The following CIB4 variants were observed in gnomAD, a reference collection of about 807,000 sequenced individuals.
CIB4 encodes the protein calcium and integrin binding family member 4, also known as calcium and integrin-binding family member 4.
CIB4 carries 25 observed loss-of-function variants against 25.8 expected under a neutral mutation model. That is an observed-to-expected ratio of 0.97 (90% CI 0.71 to 1.35). The LOEUF is 1.35. CIB4 is among the 40% of genes most tolerant of loss of function. The probability of loss-of-function intolerance (pLI) is 0.00; values close to 1 mark genes in which losing one functional copy is unlikely to be tolerated. For missense variants in CIB4, 235 were observed against 228.2 expected (o/e 1.03, Z -0.19); for synonymous variants, 75 against 81.4 (o/e 0.92, Z 0.42).
chr2:26,608,368 A>G (rs779509254), intron 3 of CIB4, among the ~76,000 whole-genome samples: 1 of 152,176 alleles, frequency 6.6e-6, no homozygotes, highest in Admixed American at 6.5e-5. Context: ...AGGCACTAAC[A>G]CATTGGCTGT....
intron 2 of CIB4, among the ~76,000 whole-genome samples, chr2:26,635,615 G>A (rs1464621963): frequency 6.6e-6 from 1 of 152,130 alleles, no homozygotes; most frequent in East Asian, 1.9e-4. Context: ...AGCCCAGGAT[G>A]GCCACTTTCT....
At chr2:26,601,445 T>G (rs1294492500) in intron 3 of CIB4, among the ~76,000 whole-genome samples, 1 of 151,908 alleles carries the variant, frequency 6.6e-6, no homozygotes, top group Non-Finnish European at 1.5e-5. Context: ...CCATAAGTGA[T>G]GTTGGGTTTA....
rs1478917902 is a variant in CIB4 at position 26,627,034 on chromosome 2, T to C, written c.186+2376A>G. On this transcript the variant is annotated intron_variant, in intron 3 of 6. Transcript: ENST00000288861. This position sits in a 1 kb window ranked among gnomAD's most constrained non-coding sequence, Gnocchi z 4.0. Reference sequence around the variant, plus strand: ...CCAGACTCAGCCCTCCTGATCTTAGTCCAGTGCTTACTCCTTTGGGGGCCA... The same window carrying C: ...CCAGACTCAGCCCTCCTGATCTTAGCCCAGTGCTTACTCCTTTGGGGGCCA... Among the ~76,000 whole-genome samples, 1 of 152,142 alleles carries C rather than the reference T, an allele frequency of 6.6e-6. No homozygotes were observed. The highest frequency in any genetic ancestry group is 2.1e-4 in the South Asian group (1 of 4,822).
intron 4 of CIB4, among the ~76,000 whole-genome samples, chr2:26,589,958 T>C (rs1056892408): frequency 2.0e-5 from 3 of 152,180 alleles, no homozygotes; most frequent in Non-Finnish European, 4.4e-5. Context: ...ATGAGGATAA[T>C]GGTCCCCGAC....
chr2:26,605,787 C>T (rs893190455), intron 3 of CIB4, among the ~76,000 whole-genome samples: 17 of 152,234 alleles, frequency 1.1e-4, no homozygotes, highest in Admixed American at 9.2e-4. Context: ...CTTCATTTTA[C>T]AAAGAGAGGA....
intron 4 of CIB4, among the ~76,000 whole-genome samples, chr2:26,588,340 G>T (rs553403457): frequency 1.2e-3 from 183 of 152,354 alleles, no homozygotes; most frequent in Non-Finnish European, 1.9e-3. Flanking sequence ...CCCTCCTTTG[G>T]GGGTGGCAAG....
intron 3 of CIB4, among the ~76,000 whole-genome samples, chr2:26,624,392 A>G (rs1662990): frequency 0.57 from 86,143 of 151,912 alleles, 25,305 homozygotes; most frequent in Admixed American, 0.67. Flanking sequence ...TGCTTTGTCC[A>G]GAATCGGAAA....
chr2:26,609,138 A>G, intron 3 of CIB4, among the ~76,000 whole-genome samples: 1 of 152,200 alleles, frequency 6.6e-6, no homozygotes, highest in East Asian at 1.9e-4. Context: ...GTAATGAGAA[A>G]AAGATTATTA....
chr2:26,601,014 G>T (rs557293510), intron 3 of CIB4, among the ~76,000 whole-genome samples: 13 of 151,932 alleles, frequency 8.6e-5, no homozygotes, highest in Non-Finnish European at 1.8e-4. Flanking sequence ...TCAGTCCAGA[G>T]TCTGAGACCA....
At chr2:26,625,548 T>C (rs1612858) in intron 3 of CIB4, among the ~76,000 whole-genome samples, 99,203 of 151,940 alleles carry the variant, frequency 0.65, 32,595 homozygotes, top group Admixed American at 0.72. Flanking sequence ...GACGGGGTTT[T>C]TCCATGTTAA....
At chr2:26,632,757 C>CA (rs58312058) in intron 2 of CIB4, among the ~76,000 whole-genome samples, 92 of 120,058 alleles carry the variant, frequency 7.7e-4, no homozygotes, top group Non-Finnish European at 7.7e-4. Context: ...GACTCCATCT[C>CA]AAAAAAAAAA....
chr2:26,600,733 T>C (rs546826573), intron 3 of CIB4, among the ~76,000 whole-genome samples: 148 of 152,290 alleles, frequency 9.7e-4, no homozygotes, highest in African/African-American at 3.5e-3. Flanking sequence ...GATATACTTA[T>C]GGGTTAGAAG....
chr2:26,637,771 C>T (rs1320668747), intron 2 of CIB4, among the ~76,000 whole-genome samples: 1 of 152,128 alleles, frequency 6.6e-6, no homozygotes, highest in East Asian at 1.9e-4. Context: ...ACAGCTATTC[C>T]ACATTCTCAG....
At chr2:26,632,626 C>T (rs369987425) in intron 2 of CIB4, among the ~76,000 whole-genome samples, 3 of 151,960 alleles carry the variant, frequency 2.0e-5, no homozygotes, top group Non-Finnish European at 4.4e-5. Context: ...AGCATGGTGG[C>T]GCGCATCCAT....
intron 2 of CIB4, among the ~76,000 whole-genome samples, chr2:26,635,076 G>A (rs918011845): frequency 2.6e-5 from 4 of 152,260 alleles, no homozygotes; most frequent in Non-Finnish European, 4.4e-5. Flanking sequence ...GAGGCATCTC[G>A]GGAAAAGGCT....
At chr2:26,608,401 T>C (rs557864628) in intron 3 of CIB4, among the ~76,000 whole-genome samples, 4 of 152,108 alleles carry the variant, frequency 2.6e-5, no homozygotes, top group African/African-American at 9.7e-5. Context: ...CACAGGGAAT[T>C]TGAAACAAAA....
At chr2:26,620,658 A>C (rs1418926560) in intron 3 of CIB4, among the ~76,000 whole-genome samples, 8 of 152,136 alleles carry the variant, frequency 5.3e-5, no homozygotes, top group Non-Finnish European at 1.2e-4. Context: ...CCTTCAGTGA[A>C]GCTCCCAGTT....
chr2:26,639,156 T>C lies in CIB4; in HGVS notation c.89+1377A>G, dbSNP rs190952459. ...GACTGGGAGGAGAGAATGGAGACATTTTCTTTTCACTTAGAACTTTTACAC... is the reference window on the plus strand; with the variant it reads ...GACTGGGAGGAGAGAATGGAGACATCTTCTTTTCACTTAGAACTTTTACAC... On this transcript the variant is annotated intron_variant, in intron 2 of 6. Coordinates refer to ENST00000288861, the MANE Select transcript of CIB4 (RefSeq NM_001029881.3). 3.9e-5 allele frequency among the ~76,000 whole-genome samples: 6 copies of C among 152,030 alleles called. No homozygotes were observed. In the East Asian group the frequency reaches 1.2e-3, roughly 29 times the overall value.
At chr2:26,587,304 C>A (rs1173396775) in intron 4 of CIB4, among the ~76,000 whole-genome samples, 16 of 61,468 alleles carry the variant, frequency 2.6e-4, no homozygotes, top group African/African-American at 5.1e-4. Flanking sequence ...GACTCCGTCT[C>A]AAAAAAAAAA....
Sources: gnomAD v4.1 joint callset for allele counts (sites outside exome capture counted in the v4.1 genomes callset) on GRCh38, gnomAD v4.1.1 for gene constraint, Gnocchi (gnomAD v3.1) non-coding constraint, MANE v1.5 for transcripts, NCBI Gene and HGNC (gene_info 2026-07-23, HGNC 2026-07-21) for gene names.